C8orf34: variants seen among roughly 807,000 people sequenced by gnomAD.
The protein encoded by C8orf34 is chromosome 8 open reading frame 34.
In C8orf34, 65 loss-of-function variants were observed where a neutral mutation model predicts 68.3. The ratio of observed to expected loss-of-function variants is 0.95; its 90% CI spans 0.78 to 1.17. The LOEUF (loss-of-function observed/expected upper bound fraction) is 1.17, where lower values mean the gene tolerates loss of function less well. C8orf34 is among the 50% of genes most tolerant of loss of function. C8orf34 has a pLI of 0.00. For synonymous variants in C8orf34, 244 were observed against 241.2 expected (o/e 1.01, Z -0.11); for missense variants, 664 against 655.4 (o/e 1.01, Z -0.14).
intron 10 of C8orf34, among the ~76,000 whole-genome samples, chr8:68,739,053 T>C (rs191491391): frequency 3.3e-5 from 5 of 152,188 alleles, no homozygotes; most frequent in African/African-American, 1.2e-4. Context: ...CTCAACAAAA[T>C]ACTGGCAAAC....
chr8:68,331,363 G>T, intron 1 of C8orf34, 24 bp downstream of exon 1: 1 of 1,533,224 alleles, frequency 6.5e-7, no homozygotes. Flanking sequence ...GAGGAGGGCA[G>T]TCCCGTTGTC....
chr8:68,658,848 C>G (rs754328149), intron 8 of C8orf34, among the ~76,000 whole-genome samples: 1 of 152,032 alleles, frequency 6.6e-6, no homozygotes, highest in Non-Finnish European at 1.5e-5. Flanking sequence ...TTTAGAAAAA[C>G]ATTGTTTTCT....
At chr8:68,643,919 T>C (rs995253726) in intron 8 of C8orf34, among the ~76,000 whole-genome samples, 5 of 152,226 alleles carry the variant, frequency 3.3e-5, no homozygotes, top group African/African-American at 1.2e-4. Flanking sequence ...TTCCTCCTGC[T>C]CTAGACTCTG....
chr8:68,688,730 A>C (rs1820599126), intron 8 of C8orf34, among the ~76,000 whole-genome samples: 2 of 152,148 alleles, frequency 1.3e-5, no homozygotes, highest in African/African-American at 4.8e-5. Flanking sequence ...AAACTAACAC[A>C]GGAGCAGAAA....
At chr8:68,461,507 A>C (rs1811824594) in intron 3 of C8orf34, among the ~76,000 whole-genome samples, 1 of 152,188 alleles carries the variant, frequency 6.6e-6, no homozygotes, top group Non-Finnish European at 1.5e-5. Flanking sequence ...ACCAAAGTTG[A>C]AATGAAGGAA....
At chr8:68,548,320 G>GAACTCC (rs1285908549) in intron 7 of C8orf34, among the ~76,000 whole-genome samples, 4 of 151,592 alleles carry the variant, frequency 2.6e-5, no homozygotes, top group Non-Finnish European at 5.9e-5. Flanking sequence ...AATATATACA[G>GAACTCC]AACTCCTGCA....
chr8:68,474,047 T>C (rs1285286598), intron 4 of C8orf34, among the ~76,000 whole-genome samples: 4 of 152,188 alleles, frequency 2.6e-5, no homozygotes, highest in Non-Finnish European at 5.9e-5. Flanking sequence ...GGTTCGTGAT[T>C]GATCCTTTGC....
At chr8:68,785,127 T>G (rs1459842350) in intron 11 of C8orf34, among the ~76,000 whole-genome samples, 1 of 151,870 alleles carries the variant, frequency 6.6e-6, no homozygotes, top group Non-Finnish European at 1.5e-5. Flanking sequence ...GGAGGATCAC[T>G]TGGGCCCTGG....
intron 10 of C8orf34, among the ~76,000 whole-genome samples, chr8:68,775,070 G>GAA (rs35109353): frequency 0.066 from 8,254 of 124,152 alleles, 495 homozygotes; most frequent in East Asian, 0.34. Context: ...GTAAGCCCAG[G>GAA]AAAAAAAAAA....
intron 8 of C8orf34, among the ~76,000 whole-genome samples, chr8:68,661,664 C>T (rs1466447493): frequency 6.6e-6 from 1 of 152,180 alleles, no homozygotes; most frequent in Non-Finnish European, 1.5e-5. Context: ...TTCCTGGTCA[C>T]TCTACCCCAT....
chr8:68,745,884 C>A lies in C8orf34; in HGVS notation c.1404+24447C>A, dbSNP rs548535025. 1.2e-4 allele frequency among the ~76,000 whole-genome samples: 19 copies of A among 152,242 alleles called. No homozygotes were observed. In the South Asian group the frequency reaches 4.0e-3, roughly 32 times the overall value. On this transcript the variant is annotated intron_variant, in intron 10 of 13. Coordinates refer to ENST00000518698, the MANE Select transcript of C8orf34 (RefSeq NM_052958.4). The stretch of plus-strand genomic sequence containing the variant: ...TGAACTCAGGTCTGCACCAAGTGGA[C>A]CTAATAGGCATCTACAGAACTCTCC...
chr8:68,470,650 T>C (rs574633208), intron 4 of C8orf34, among the ~76,000 whole-genome samples: 1 of 152,224 alleles, frequency 6.6e-6, no homozygotes, highest in South Asian at 2.1e-4. Flanking sequence ...CTTATAATTC[T>C]GGAGGGTGGA....
intron 13 of C8orf34, 95 bp downstream of exon 13, chr8:68,816,040 C>G: frequency 6.3e-7 from 1 of 1,596,420 alleles, no homozygotes; most frequent in Non-Finnish European, 8.6e-7. Flanking sequence ...ACGTAGTCCT[C>G]ATGACCTCTA....
intron 8 of C8orf34, among the ~76,000 whole-genome samples, chr8:68,652,912 A>G (rs115039664): frequency 4.2e-3 from 639 of 152,314 alleles, no homozygotes; most frequent in African/African-American, 0.014. Flanking sequence ...AGATCAGGGC[A>G]AAAATACACT....
intron 3 of C8orf34, among the ~76,000 whole-genome samples, chr8:68,453,836 T>C (rs932304061): frequency 2.0e-5 from 3 of 152,024 alleles, no homozygotes; most frequent in African/African-American, 4.8e-5. Context: ...AGCAGGAAGG[T>C]ATCCTTTTCT....
chr8:68,475,661 C>G (rs34639193), intron 4 of C8orf34, among the ~76,000 whole-genome samples: 1 of 152,002 alleles, frequency 6.6e-6, no homozygotes, highest in Non-Finnish European at 1.5e-5. Flanking sequence ...TAAGTAAGCA[C>G]GTAAACAAAT....
At chr8:68,362,210 A>C (rs959942475) in intron 1 of C8orf34, among the ~76,000 whole-genome samples, 1 of 152,176 alleles carries the variant, frequency 6.6e-6, no homozygotes, top group African/African-American at 2.4e-5. Flanking sequence ...AAAGATTATA[A>C]ATTTGAGGTT....
At chr8:68,552,814 G>A (rs1266391255) in intron 7 of C8orf34, among the ~76,000 whole-genome samples, 1 of 148,814 alleles carries the variant, frequency 6.7e-6, no homozygotes, top group Non-Finnish European at 1.5e-5. Context: ...TGGCATCTAC[G>A]AGATGATCAT....
chr8:68,593,386 T>A (rs1013339276), intron 7 of C8orf34, among the ~76,000 whole-genome samples: 2 of 152,110 alleles, frequency 1.3e-5, no homozygotes, highest in Admixed American at 6.6e-5. Context: ...TTTTCTCCTA[T>A]TTTTGGAGAC....
Sources: gnomAD v4.1 joint callset for allele counts (sites outside exome capture counted in the v4.1 genomes callset) on GRCh38, gnomAD v4.1.1 for gene constraint, MANE v1.5 for transcripts, NCBI Gene and HGNC (gene_info 2026-07-23, HGNC 2026-07-21) for gene names.